AFG2A: variants seen among roughly 807,000 people sequenced by gnomAD.
The protein encoded by AFG2A is ATPase family gene 2 protein homolog A.
chr4:123,309,230 T>A, the AFG2A span, among the ~76,000 whole-genome samples: 1 of 152,200 alleles, frequency 6.6e-6, no homozygotes, highest in Admixed American at 6.5e-5. Context: ...CCAAATAACT[T>A]GGACTGGGCA....
At chr4:123,256,210 T>G in the AFG2A span, 1 of 1,608,722 alleles carries the variant, frequency 6.2e-7, no homozygotes, top group Non-Finnish European at 8.5e-7. Flanking sequence ...AATACCTTAG[T>G]GGGAGGAAAG....
chr4:123,071,229 C>T, the AFG2A span, among the ~76,000 whole-genome samples: 1 of 152,082 alleles, frequency 6.6e-6, no homozygotes, highest in Non-Finnish European at 1.5e-5. Context: ...GCCTGTAATC[C>T]CAGCACTTTG....
chr4:123,137,402 A>T, the AFG2A span, among the ~76,000 whole-genome samples: 2 of 152,132 alleles, frequency 1.3e-5, no homozygotes, highest in Non-Finnish European at 2.9e-5. Context: ...GCTTTGCTTC[A>T]TCTGTGTTGA....
chr4:122,939,901 G>A, the AFG2A span, among the ~76,000 whole-genome samples: 217 of 152,160 alleles, frequency 1.4e-3, no homozygotes, highest in African/African-American at 4.5e-3. Flanking sequence ...TTGTCCTTGC[G>A]ATAGTTTGCT....
the AFG2A span, among the ~76,000 whole-genome samples, chr4:123,309,739 G>A: frequency 6.6e-6 from 1 of 152,100 alleles, no homozygotes; most frequent in Admixed American, 6.5e-5. Flanking sequence ...GAGCATTTTG[G>A]ATTTCAAATT....
chr4:123,141,664 A>G, the AFG2A span, among the ~76,000 whole-genome samples: 1 of 152,200 alleles, frequency 6.6e-6, no homozygotes, highest in Non-Finnish European at 1.5e-5. Flanking sequence ...TGGGTTTATC[A>G]GAATGGAACT....
chr4:123,007,940 C>A, the AFG2A span, among the ~76,000 whole-genome samples: 4 of 151,898 alleles, frequency 2.6e-5, no homozygotes, highest in Admixed American at 2.6e-4. Context: ...TGTTCAGTGT[C>A]CTGAAAGTTG....
chr4:123,181,123 T>C, the AFG2A span, among the ~76,000 whole-genome samples: 1,302 of 152,158 alleles, frequency 8.6e-3, 4 homozygotes, highest in Non-Finnish European at 0.015. Flanking sequence ...TAGGTGGGAC[T>C]ACAGGCACCC....
the AFG2A span, among the ~76,000 whole-genome samples, chr4:122,995,938 C>A: frequency 6.6e-6 from 1 of 152,236 alleles, no homozygotes; most frequent in Non-Finnish European, 1.5e-5. Context: ...CACACTTCAT[C>A]ACTTTACTAT....
the AFG2A span, among the ~76,000 whole-genome samples, chr4:123,023,136 G>T: frequency 2.6e-5 from 4 of 151,138 alleles, no homozygotes; most frequent in Non-Finnish European, 5.9e-5. Context: ...GTATACATAT[G>T]TAACTAACCT....
chr4:122,923,122 C>G, the AFG2A span: 3 of 1,613,392 alleles, frequency 1.9e-6, no homozygotes, highest in Non-Finnish European at 2.5e-6. Context: ...TCTACTGCTT[C>G]GGCTAGGGTA....
chr4:123,266,207 A>G, the AFG2A span, among the ~76,000 whole-genome samples: 4 of 152,010 alleles, frequency 2.6e-5, no homozygotes, highest in Non-Finnish European at 5.9e-5. Context: ...ATGAAATTGA[A>G]TTATGGTTAA....
the AFG2A span, among the ~76,000 whole-genome samples, chr4:122,994,265 G>GGAAAGATATAAA: frequency 6.6e-6 from 1 of 151,846 alleles, no homozygotes; most frequent in Non-Finnish European, 1.5e-5. Flanking sequence ...TATCTACTCT[G>GGAAAGATATAAA]GAAAGATATA....
At chr4:123,108,172 C>T in the AFG2A span, among the ~76,000 whole-genome samples, 3,333 of 152,272 alleles carry the variant, frequency 0.022, 123 homozygotes, top group African/African-American at 0.076. Context: ...CTGCTGCCAT[C>T]ATTACTCCCA....
At chr4:122,935,863 G>C in the AFG2A span, 1 of 1,580,518 alleles carries the variant, frequency 6.3e-7, no homozygotes, top group Non-Finnish European at 8.6e-7. Context: ...TGATTTAATA[G>C]AGTAAACTTA....
the AFG2A span, among the ~76,000 whole-genome samples, chr4:123,190,019 T>C: frequency 6.6e-6 from 1 of 151,794 alleles, no homozygotes; most frequent in Non-Finnish European, 1.5e-5. Context: ...AGGCTGGTCT[T>C]GAACTTCTGG....
At chr4:122,947,660 G>C in the AFG2A span, among the ~76,000 whole-genome samples, 1 of 151,770 alleles carries the variant, frequency 6.6e-6, no homozygotes, top group Non-Finnish European at 1.5e-5. Context: ...AGATGATTCA[G>C]AAGACTATAA....
the AFG2A span, among the ~76,000 whole-genome samples, chr4:123,003,414 T>C: frequency 6.6e-6 from 1 of 152,184 alleles, no homozygotes; most frequent in African/African-American, 2.4e-5. Flanking sequence ...TTCTGCTCTG[T>C]TTTTTCCCCA....
chr4:123,214,588 A>C, the AFG2A span, among the ~76,000 whole-genome samples: 1 of 151,996 alleles, frequency 6.6e-6, no homozygotes, highest in Admixed American at 6.6e-5. Flanking sequence ...ATATAAAAAA[A>C]ATTAAGAAAA....
Sources: allele counts gnomAD v4.1 joint callset (sites outside exome capture counted in the v4.1 genomes callset), GRCh38; gene constraint gnomAD v4.1.1; transcripts MANE v1.5; gene names NCBI Gene and HGNC (gene_info 2026-07-23, HGNC 2026-07-21).